The following RAB8A variants were observed in gnomAD, a reference collection of about 807,000 sequenced individuals.
RAB8A encodes the protein RAB8A, member RAS oncogene family, also known as ras-related protein Rab-8A.
A neutral mutation model predicts 29.2 loss-of-function variants in RAB8A; 5 were observed. That is an observed-to-expected ratio of 0.17 (90% CI 0.09 to 0.36). The LOEUF is 0.36. Ranked by LOEUF, RAB8A falls within the 10% of genes least tolerant of loss-of-function variation. The pLI is 1.00. For missense variants in RAB8A, 171 were observed against 272.2 expected (o/e 0.63, Z 2.62); for synonymous variants, 108 against 99.9 (o/e 1.08, Z -0.49).
intron 7 of RAB8A, among the ~76,000 whole-genome samples, chr19:16,131,880 TTGGTTGG>T (rs2090926109): frequency 6.8e-6 from 1 of 146,300 alleles, no homozygotes; most frequent in Non-Finnish European, 1.5e-5. Context: ...GGTTGGTTGG[TTGGTTGG>T]TTGGTTGGTT....
chr19:16,125,225 G>T lies in RAB8A; in HGVS notation c.247-245G>T. ...GCAGGGGCTGGCCTGTGAGGCAGAA[G>T]GGTCACCTCAGCGGCCCGGGGGGCA... On this transcript the variant is annotated intron_variant, in intron 3 of 7. Coordinates refer to ENST00000300935, the MANE Select transcript of RAB8A (RefSeq NM_005370.5). This position sits in a 1 kb window ranked among gnomAD's most constrained non-coding sequence, Gnocchi z 5.0. The T allele has an allele frequency of 1.7e-6, 1 of 573,010 alleles. No homozygotes were observed. Among genetic ancestry groups the T allele is most frequent in the Non-Finnish European group, 3.1e-6 (1 of 319,140 alleles). The allele number at this position is 573,010 out of a possible 1,614,324, so 35.5% of individuals were successfully genotyped here. A position where few individuals can be genotyped will look rare whatever the true frequency, so the allele number is the denominator to read the frequency against.
intron 1 of RAB8A, among the ~76,000 whole-genome samples, chr19:16,113,008 A>C (rs772641616): frequency 6.6e-6 from 1 of 152,196 alleles, no homozygotes; most frequent in Admixed American, 6.5e-5. Flanking sequence ...CAAAGGGCCC[A>C]AGACTCCAGC....
chr19:16,116,220 A>G (rs2090845136), intron 1 of RAB8A, among the ~76,000 whole-genome samples: 1 of 152,176 alleles, frequency 6.6e-6, no homozygotes, highest in Non-Finnish European at 1.5e-5. Flanking sequence ...AGTCAGGAGC[A>G]TGCTTGGAAT....
At chr19:16,128,843 A>G (rs996252918) in intron 6 of RAB8A, among the ~76,000 whole-genome samples, 22 of 152,150 alleles carry the variant, frequency 1.4e-4, no homozygotes, top group African/African-American at 5.3e-4. Flanking sequence ...CCTCTCCCCA[A>G]GAACACCTTC....
rs961984038 is a variant in RAB8A, at chr19:16,132,596, C to G, written c.*292C>G. The G allele has an allele frequency of 2.8e-5, 11 of 396,394 alleles. No individual in the cohort carries two copies. The highest frequency in any genetic ancestry group is 2.3e-4 in the African/African-American group (11 of 48,130). 24.6% of individuals were successfully genotyped at this position (396,394 alleles called of 1,614,324 possible). A position where few individuals can be genotyped will look rare whatever the true frequency, so the allele number is the denominator to read the frequency against. On this transcript the variant is annotated 3_prime_UTR_variant, in exon 8 of 8. Coordinates refer to ENST00000300935, the MANE Select transcript of RAB8A (RefSeq NM_005370.5). This position sits in a 1 kb window ranked among gnomAD's most constrained non-coding sequence, Gnocchi z 5.6. ...AGAGAGAGAGGGAGTCAAGGTGTGA[C>G]CGTCGACCACAGCCAGTGTCAGGCC...
Position 16,133,812 on chromosome 19 carries a change from T to C in RAB8A, c.*1508T>C, listed in dbSNP as rs530079715. 2 of 152,552 alleles carry C rather than the reference T, an allele frequency of 1.3e-5. No individual in the cohort carries two copies. Among genetic ancestry groups the C allele is most frequent in the Non-Finnish European group, 2.9e-5 (2 of 68,212 alleles). The allele number at this position is 152,552 out of a possible 1,614,324, so 9.4% of individuals were successfully genotyped here. ...AAAGAAGCCTCCTGGCTTGGTGCAG[T>C]GGCTCACACCTGTAATCCCAGCACT... On this transcript the variant is annotated 3_prime_UTR_variant, in exon 8 of 8. Coordinates refer to ENST00000300935, the MANE Select transcript of RAB8A (RefSeq NM_005370.5).
chr19:16,128,754 C>T (rs1170020068), intron 6 of RAB8A, among the ~76,000 whole-genome samples: 1 of 152,212 alleles, frequency 6.6e-6, no homozygotes, highest in Non-Finnish European at 1.5e-5. Flanking sequence ...TTCTCCAATA[C>T]GTCACTGCAT....
chr19:16,130,712 A>G lies in RAB8A; in HGVS notation c.531+1108A>G, dbSNP rs142235899. Among the ~76,000 whole-genome samples, 895 of 152,186 alleles carry G rather than the reference A, an allele frequency of 5.9e-3. 8 individuals carry two copies. The highest frequency in any genetic ancestry group is 0.02 in the African/African-American group (847 of 41,518). On this transcript the variant is annotated intron_variant, in intron 7 of 7. Coordinates refer to ENST00000300935, the MANE Select transcript of RAB8A (RefSeq NM_005370.5). Reference sequence around the variant, plus strand: ...GCCACCTAGGCTGGAGTGCAGTGGCACCATCACAGCTCACTGCAGCCTTCA... The same window carrying G: ...GCCACCTAGGCTGGAGTGCAGTGGCGCCATCACAGCTCACTGCAGCCTTCA...
Position 16,125,893 on chromosome 19 carries a change from G to A in RAB8A, c.324+346G>A, listed in dbSNP as rs902493861. ...AGGGTCTAGCACAGGTGTGACCCTT[G>A]TAGTTGGAGGGTGTGGTGAGCAGGC... On this transcript the variant is annotated intron_variant, in intron 4 of 7. Coordinates refer to ENST00000300935, the MANE Select transcript of RAB8A (RefSeq NM_005370.5). This position sits in a 1 kb window ranked among gnomAD's most constrained non-coding sequence, Gnocchi z 5.0. The A allele has an allele frequency of 2.4e-6, 1 of 411,834 alleles. No homozygotes were observed. Among genetic ancestry groups the A allele is most frequent in the Non-Finnish European group, 4.6e-6 (1 of 216,050 alleles). 25.5% of individuals were successfully genotyped at this position (411,834 alleles called of 1,614,324 possible).
At chr19:16,119,662 G>A (rs1450833259) in intron 2 of RAB8A, among the ~76,000 whole-genome samples, 1 of 152,146 alleles carries the variant, frequency 6.6e-6, no homozygotes, top group African/African-American at 2.4e-5. Context: ...GTCACCCTTT[G>A]TTCCCAAGTC....
rs754392429 is a variant in RAB8A at position 16,125,710 on chromosome 19, C to T, written c.324+163C>T. 1.9e-5 allele frequency: 14 copies of T among 753,312 alleles called. No individual in the cohort carries two copies. The highest frequency in any genetic ancestry group is 8.1e-5 in the East Asian group (3 of 37,254). 46.7% of individuals were successfully genotyped at this position (753,312 alleles called of 1,614,324 possible). A position where few individuals can be genotyped will look rare whatever the true frequency, so the allele number is the denominator to read the frequency against. On this transcript the variant is annotated intron_variant, in intron 4 of 7. Coordinates refer to ENST00000300935, the MANE Select transcript of RAB8A (RefSeq NM_005370.5). The surrounding 1 kb of genome is among the most constrained non-coding windows in gnomAD (Gnocchi z 5.0). ...GAGCAGGGACTGAGATGCAAGCAGCCGGCCCCAGGGACCACACACTGGCCT... is the reference window on the plus strand; with the variant it reads ...GAGCAGGGACTGAGATGCAAGCAGCTGGCCCCAGGGACCACACACTGGCCT...
intron 1 of RAB8A, among the ~76,000 whole-genome samples, chr19:16,116,875 C>T (rs1281612679): frequency 7.0e-6 from 1 of 142,632 alleles, no homozygotes; most frequent in Admixed American, 7.2e-5. Flanking sequence ...AGCCTGGTGA[C>T]AGAGAAACTC....
Position 16,132,385 on chromosome 19 carries a change from C to A in RAB8A, c.*81C>A. ...GTGAGCCCCTCACTCAGCCGGGGCC[C>A]TCCCACCTCCAACGCCCCGCCCACG... is the stretch of plus-strand genomic sequence containing the variant. On this transcript the variant is annotated 3_prime_UTR_variant, in exon 8 of 8. Transcript: ENST00000300935. The surrounding 1 kb of genome is among the most constrained non-coding windows in gnomAD (Gnocchi z 5.6). The A allele has an allele frequency of 7.0e-7, 1 of 1,423,958 alleles. No homozygotes were observed. The highest frequency in any genetic ancestry group is 9.7e-7 in the Non-Finnish European group (1 of 1,032,388). The allele number at this position is 1,423,958 out of a possible 1,614,324, so 88.2% of individuals were successfully genotyped here.
At chr19:16,130,874 A>AGTGCAAGG (rs1215952243) in intron 7 of RAB8A, among the ~76,000 whole-genome samples, 1 of 151,890 alleles carries the variant, frequency 6.6e-6, no homozygotes, top group Non-Finnish European at 1.5e-5. Context: ...CCCAGGCTAG[A>AGTGCAAGG]GTGCAATGGT....
intron 6 of RAB8A, among the ~76,000 whole-genome samples, chr19:16,128,641 A>G (rs2090912266): frequency 6.6e-6 from 1 of 152,174 alleles, no homozygotes; most frequent in Non-Finnish European, 1.5e-5. Context: ...GACAAAGGCT[A>G]GACTCCTTGC....
chr19:16,118,930 AG>A (rs1470442212), intron 2 of RAB8A, among the ~76,000 whole-genome samples: 1 of 152,234 alleles, frequency 6.6e-6, no homozygotes, highest in African/African-American at 2.4e-5. Flanking sequence ...GACTGAGTTC[AG>A]GTGGCGGGTA....
intron 1 of RAB8A, 46 bp downstream of exon 1, chr19:16,112,071 G>A (rs1476548042): frequency 6.2e-7 from 1 of 1,607,180 alleles, no homozygotes; most frequent in Non-Finnish European, 8.5e-7. Context: ...GCCCGGGCTG[G>A]GCGCGCCCCT....
Position 16,125,024 on chromosome 19 carries a change from A to G in RAB8A, c.247-446A>G. 4.4e-6 allele frequency: 1 copy of G among 227,610 alleles called. No individual in the cohort carries two copies. Among genetic ancestry groups the G allele is most frequent in the Non-Finnish European group, 9.1e-6 (1 of 110,030 alleles). The allele number at this position is 227,610 out of a possible 1,614,324, so 14.1% of individuals were successfully genotyped here. ...CTTCCTGGGCTCAGTTGTGCCTGGT[A>G]GGTGGCTCAGGCAGAGCGTGGGGTG... On this transcript the variant is annotated intron_variant, in intron 3 of 7. Coordinates refer to ENST00000300935, the MANE Select transcript of RAB8A (RefSeq NM_005370.5). This position sits in a 1 kb window ranked among gnomAD's most constrained non-coding sequence, Gnocchi z 5.0.
chr19:16,131,304 T>G (rs1024541993), intron 7 of RAB8A, among the ~76,000 whole-genome samples: 1 of 152,154 alleles, frequency 6.6e-6, no homozygotes, highest in African/African-American at 2.4e-5. Flanking sequence ...ATAGATCTGT[T>G]TCTGAAAAAC....
Sources: allele counts gnomAD v4.1 joint callset (sites outside exome capture counted in the v4.1 genomes callset), GRCh38; gene constraint gnomAD v4.1.1; non-coding constraint Gnocchi (gnomAD v3.1); transcripts MANE v1.5; gene names NCBI Gene and HGNC (gene_info 2026-07-23, HGNC 2026-07-21).